SUGCT: variants seen among roughly 807,000 people sequenced by gnomAD.
SUGCT encodes succinyl-CoA:glutarate-CoA transferase, also known as succinyl-CoA:glutarate CoA-transferase.
SUGCT carries 41 observed loss-of-function variants against 55.0 expected under a neutral mutation model. That is an observed-to-expected ratio of 0.74 (90% CI 0.58 to 0.97). The LOEUF is 0.97. Ranked by LOEUF, SUGCT falls within the 50% of genes least tolerant of loss-of-function variation. SUGCT has a pLI of 0.00. For synonymous variants in SUGCT, 187 were observed against 200.4 expected (o/e 0.93, Z 0.56); for missense variants, 568 against 547.8 (o/e 1.04, Z -0.37).
At position 40,716,368 on chromosome 7, in the gene SUGCT, T is replaced by C. The variant is rs2044810328; in HGVS notation, c.1090-33066T>C. Among the ~76,000 whole-genome samples, 3 of 152,320 alleles carry C rather than the reference T, an allele frequency of 2.0e-5. No homozygotes were observed. In the South Asian group the frequency reaches 6.2e-4, roughly 32 times the overall value. On this transcript the variant is annotated intron_variant, in intron 12 of 13. Coordinates refer to ENST00000335693, the MANE Select transcript of SUGCT (RefSeq NM_001193313.2). ...TAAGTCAGGGAGCCCAAATGGCTGA[T>C]TGATGTTTAACCTGTACAACTGTCA...
At chr7:40,516,587 T>C (rs1793245262) in intron 12 of SUGCT, among the ~76,000 whole-genome samples, 1 of 152,078 alleles carries the variant, frequency 6.6e-6, no homozygotes, top group African/African-American at 2.4e-5. Flanking sequence ...CAGCACCAGT[T>C]ATTACAAAGA....
intron 12 of SUGCT, among the ~76,000 whole-genome samples, chr7:40,669,184 C>T (rs1801804891): frequency 6.6e-6 from 1 of 151,962 alleles, no homozygotes; most frequent in South Asian, 2.1e-4. Context: ...TTCCTCCTCT[C>T]CAGAAGGTCT....
intron 12 of SUGCT, among the ~76,000 whole-genome samples, chr7:40,622,771 A>G (rs1162173747): frequency 6.6e-6 from 1 of 151,648 alleles, no homozygotes; most frequent in Non-Finnish European, 1.5e-5. Context: ...GGAAGATCTA[A>G]TTAGGCCTCA....
intron 7 of SUGCT, among the ~76,000 whole-genome samples, chr7:40,245,425 T>TATATATA (rs60745175): frequency 7.9e-5 from 1 of 12,646 alleles, no homozygotes; most frequent in African/African-American, 4.5e-4. Flanking sequence ...ATATATATAT[T>TATATATA]TTTTTTTTTT....
At chr7:40,537,732 A>C (rs540135832) in intron 12 of SUGCT, among the ~76,000 whole-genome samples, 1 of 152,176 alleles carries the variant, frequency 6.6e-6, no homozygotes, top group Non-Finnish European at 1.5e-5. Context: ...CACTTTTCCT[A>C]GTTTTGTTTA....
chr7:40,531,429 T>A (rs1254713981), intron 12 of SUGCT, among the ~76,000 whole-genome samples: 2 of 152,034 alleles, frequency 1.3e-5, no homozygotes, highest in Non-Finnish European at 2.9e-5. Flanking sequence ...ATTTTTTTTT[T>A]GTCTCTTCAT....
At chr7:40,230,419 G>A (rs183846462) in intron 6 of SUGCT, among the ~76,000 whole-genome samples, 115 of 152,304 alleles carry the variant, frequency 7.6e-4, no homozygotes, top group Non-Finnish European at 1.3e-3. Flanking sequence ...AGGCAATTTC[G>A]TAAGAATTTC....
chr7:40,480,029 C>A (rs1049884403), intron 11 of SUGCT, among the ~76,000 whole-genome samples: 3 of 152,032 alleles, frequency 2.0e-5, no homozygotes, highest in Admixed American at 1.3e-4. Flanking sequence ...TTGATATAAT[C>A]TCATTTGTCT....
At chr7:40,233,401 A>G (rs978529001) in intron 6 of SUGCT, among the ~76,000 whole-genome samples, 1 of 152,036 alleles carries the variant, frequency 6.6e-6, no homozygotes, top group East Asian at 1.9e-4. Context: ...TTGTATCTTT[A>G]GTAGAGACAG....
chr7:40,955,628 T>C, the SUGCT span, among the ~76,000 whole-genome samples: 8 of 152,210 alleles, frequency 5.3e-5, no homozygotes, highest in Admixed American at 4.6e-4. Context: ...CCTTTATTTC[T>C]TTCTCTTGCC....
intron 12 of SUGCT, among the ~76,000 whole-genome samples, chr7:40,599,884 C>T (rs957874458): frequency 2.0e-5 from 3 of 152,112 alleles, no homozygotes; most frequent in East Asian, 1.9e-4. Context: ...TTCAAAGAAC[C>T]GGCACCATGT....
chr7:40,390,837 G>A (rs1785387235), intron 9 of SUGCT, among the ~76,000 whole-genome samples: 1 of 152,144 alleles, frequency 6.6e-6, no homozygotes, highest in Admixed American at 6.5e-5. Flanking sequence ...ATAATCCTAA[G>A]CCAAAAGAAC....
At chr7:40,146,361 G>C (rs897388048) in intron 1 of SUGCT, among the ~76,000 whole-genome samples, 1 of 152,158 alleles carries the variant, frequency 6.6e-6, no homozygotes. Flanking sequence ...ACTCAGTCAT[G>C]GAGACCCTAA....
intron 6 of SUGCT, among the ~76,000 whole-genome samples, chr7:40,226,059 T>A (rs1054895722): frequency 2.0e-5 from 3 of 152,192 alleles, no homozygotes; most frequent in Non-Finnish European, 4.4e-5. Context: ...TTATGGAGTC[T>A]TTGGGTTATA....
chr7:40,804,571 GAAAAA>G (rs34213451), intron 13 of SUGCT, among the ~76,000 whole-genome samples: 11 of 144,862 alleles, frequency 7.6e-5, no homozygotes, highest in Non-Finnish European at 3.0e-5. Flanking sequence ...ACCCTTCTCA[GAAAAA>G]AAAAAAAATA....
the SUGCT span, among the ~76,000 whole-genome samples, chr7:41,002,073 T>A: frequency 1.3e-5 from 2 of 152,058 alleles, no homozygotes; most frequent in Non-Finnish European, 2.9e-5. Flanking sequence ...AAGGCTGGAG[T>A]GCGGTGGTAT....
At chr7:40,911,567 CAA>C in the SUGCT span, among the ~76,000 whole-genome samples, 159 of 124,908 alleles carry the variant, frequency 1.3e-3, no homozygotes, top group Middle Eastern at 4.6e-3. Flanking sequence ...GACCCTGTCT[CAA>C]AAAAAAAAAA....
At chr7:40,615,363 A>G (rs1584132504) in intron 12 of SUGCT, among the ~76,000 whole-genome samples, 1 of 152,174 alleles carries the variant, frequency 6.6e-6, no homozygotes. Flanking sequence ...CCAGAAAACC[A>G]TTTTTCCAGA....
intron 12 of SUGCT, among the ~76,000 whole-genome samples, chr7:40,564,087 G>A (rs978152079): frequency 2.0e-5 from 3 of 152,136 alleles, no homozygotes; most frequent in South Asian, 2.1e-4. Flanking sequence ...AATATGCAAC[G>A]TCTTGGCCGG....
Sources: gnomAD v4.1 joint callset for allele counts (sites outside exome capture counted in the v4.1 genomes callset) on GRCh38, gnomAD v4.1.1 for gene constraint, MANE v1.5 for transcripts, NCBI Gene and HGNC (gene_info 2026-07-23, HGNC 2026-07-21) for gene names.